Variants in TMEM232 observed in about 807,000 individuals in gnomAD.
TMEM232 encodes transmembrane protein 232.
TMEM232 carries 80 observed loss-of-function variants against 78.8 expected under a neutral mutation model. That is an observed-to-expected ratio of 1.01 (90% confidence interval 0.85 to 1.22). TMEM232 has a LOEUF of 1.22. TMEM232 is among the 50% of genes most tolerant of loss of function. The probability of loss-of-function intolerance (pLI) is 0.00; values close to 1 mark genes in which losing one functional copy is unlikely to be tolerated. For missense variants in TMEM232, 881 were observed against 742.2 expected, an observed-to-expected ratio of 1.19 and a Z score of -2.17; for synonymous variants, 297 against 254.3, an observed-to-expected ratio of 1.17 and a Z score of -1.60.
chr5:110,388,246 C>T (rs1245284051), intron 4 of TMEM232, among the ~76,000 whole-genome samples: 3 of 152,080 alleles, frequency 2.0e-5, no homozygotes, highest in Admixed American at 6.6e-5. Flanking sequence ...GCTGGTCACC[C>T]GATCCTAAAC....
intron 12 of TMEM232, among the ~76,000 whole-genome samples, chr5:110,519,273 T>G (rs1769151104): frequency 6.6e-6 from 1 of 152,190 alleles, no homozygotes; most frequent in Admixed American, 6.5e-5. Context: ...GCCGTACATG[T>G]GCATTTGGGC....
rs1450997657 is a variant in TMEM232, at chr5:110,547,002, A to C, written c.1456-18167T>G. Among the ~76,000 whole-genome samples the C allele has an allele frequency of 3.3e-5, 5 of 152,230 alleles. No homozygotes were observed. The East Asian group carries it at 9.6e-4, about 29-fold the overall frequency. ...AGAGAAAAAAAAACACCTCAAATGT[A>C]TTATGCTCAAGTTTTACTTGTAAAA... On this transcript the variant is annotated intron_variant, in intron 11 of 13. Transcript: ENST00000455884.
At position 110,663,773 on chromosome 5, in the gene TMEM232, G is replaced by GTA. The variant is rs759440761; in HGVS notation, c.125+3453_125+3454dup. 1.4e-4 allele frequency among the ~76,000 whole-genome samples: 20 copies of GTA among 147,418 alleles called. 1 individual carries two copies. Among genetic ancestry groups the GTA allele is most frequent in the Admixed American group, 7.5e-4 (11 of 14,740 alleles). Reference sequence around the variant, plus strand: ...TGTGTGTGTGTGTGTGTGTGTGTGTGTATATACAATATTCAGATACTTTTG... The same window carrying GTA: ...TGTGTGTGTGTGTGTGTGTGTGTGTGTATATATACAATATTCAGATACTTTTG... On this transcript the variant is annotated intron_variant, in intron 2 of 13. Coordinates refer to ENST00000455884, the MANE Select transcript of TMEM232 (RefSeq NM_001039763.4).
chr5:110,476,827 C>T (rs1417412054), intron 12 of TMEM232, among the ~76,000 whole-genome samples: 1 of 151,900 alleles, frequency 6.6e-6, no homozygotes, highest in East Asian at 1.9e-4. Context: ...AAAATAACAG[C>T]TTTATTAGTT....
At chr5:110,552,475 A>T (rs1774590295) in intron 11 of TMEM232, among the ~76,000 whole-genome samples, 1 of 152,154 alleles carries the variant, frequency 6.6e-6, no homozygotes. Flanking sequence ...GGTTAAAAAT[A>T]TCATGCTTAA....
chr5:110,545,819 G>A (rs1428345198), intron 11 of TMEM232, among the ~76,000 whole-genome samples: 1 of 151,912 alleles, frequency 6.6e-6, no homozygotes, highest in African/African-American at 2.4e-5. Context: ...GATATTTTAG[G>A]TCATATACCA....
intron 2 of TMEM232, among the ~76,000 whole-genome samples, chr5:110,666,287 A>G (rs1790579489): frequency 6.6e-6 from 1 of 152,282 alleles, no homozygotes; most frequent in South Asian, 2.1e-4. Flanking sequence ...TACACATTTG[A>G]TATCATCAAT....
intron 10 of TMEM232, among the ~76,000 whole-genome samples, chr5:110,595,074 G>A (rs1779990453): frequency 6.6e-6 from 1 of 152,206 alleles, no homozygotes; most frequent in Non-Finnish European, 1.5e-5. Context: ...ACCAGAGGAA[G>A]GAACAGGCAG....
At chr5:110,392,695 AT>A (rs1457660682) in intron 3 of TMEM232, among the ~76,000 whole-genome samples, 1 of 152,208 alleles carries the variant, frequency 6.6e-6, no homozygotes, top group Non-Finnish European at 1.5e-5. Flanking sequence ...ATGACCTCAT[AT>A]AAACCTATCT....
At chr5:110,619,224 GT>G (rs1408959991) in intron 7 of TMEM232, among the ~76,000 whole-genome samples, 1 of 152,098 alleles carries the variant, frequency 6.6e-6, no homozygotes, top group Non-Finnish European at 1.5e-5. Context: ...TGTTAACTTA[GT>G]TGATATTTTG....
chr5:110,533,539 A>G (rs773176386), intron 11 of TMEM232, among the ~76,000 whole-genome samples: 1 of 152,172 alleles, frequency 6.6e-6, no homozygotes, highest in Non-Finnish European at 1.5e-5. Flanking sequence ...AACTATGCTC[A>G]ACTCACTCTA....
At chr5:110,585,697 A>T (rs1411096408) in intron 10 of TMEM232, among the ~76,000 whole-genome samples, 1 of 152,074 alleles carries the variant, frequency 6.6e-6, no homozygotes, top group Non-Finnish European at 1.5e-5. Flanking sequence ...CTGCAGTTCC[A>T]AGAGCTCTGG....
intron 2 of TMEM232, among the ~76,000 whole-genome samples, chr5:110,666,429 C>T (rs1214324383): frequency 6.6e-6 from 1 of 152,004 alleles, no homozygotes; most frequent in Admixed American, 6.6e-5. Flanking sequence ...TTTTTAAATG[C>T]AATTAAAACT....
At chr5:110,670,486 C>T (rs1325138957) in intron 1 of TMEM232, among the ~76,000 whole-genome samples, 2 of 151,946 alleles carry the variant, frequency 1.3e-5, no homozygotes, top group Admixed American at 6.6e-5. Context: ...TAAAAGAGGA[C>T]ACAAACAAAT....
chr5:110,502,982 T>C (rs1016425120), intron 12 of TMEM232, among the ~76,000 whole-genome samples: 2 of 152,232 alleles, frequency 1.3e-5, no homozygotes, highest in African/African-American at 4.8e-5. Flanking sequence ...CGGTTGCTTA[T>C]TGATTTATCT....
chr5:110,710,606 A>G (rs1796372643), intron 1 of TMEM232, among the ~76,000 whole-genome samples: 1 of 152,168 alleles, frequency 6.6e-6, no homozygotes, highest in Non-Finnish European at 1.5e-5. Context: ...AAATCAATCA[A>G]TGTGACACAC....
chr5:110,477,245 C>T (rs1001681512), intron 12 of TMEM232, among the ~76,000 whole-genome samples: 6 of 151,896 alleles, frequency 4.0e-5, no homozygotes, highest in East Asian at 1.9e-4. Context: ...CTTGGTTAAC[C>T]GTAGATGGTT....
intron 10 of TMEM232, among the ~76,000 whole-genome samples, chr5:110,598,338 A>G (rs1251543096): frequency 1.3e-5 from 2 of 152,144 alleles, no homozygotes; most frequent in Non-Finnish European, 2.9e-5. Flanking sequence ...TTAGAATGGC[A>G]ATCATTCAAA....
chr5:110,503,403 A>G (rs976639565), intron 12 of TMEM232, among the ~76,000 whole-genome samples: 6 of 152,178 alleles, frequency 3.9e-5, no homozygotes, highest in African/African-American at 1.4e-4. Context: ...GGTTTGGGTG[A>G]GAGGAAGGGA....
Sources: allele counts gnomAD v4.1 joint callset (sites outside exome capture counted in the v4.1 genomes callset), GRCh38; gene constraint gnomAD v4.1.1; transcripts MANE v1.5; gene names NCBI Gene and HGNC (gene_info 2026-07-23, HGNC 2026-07-21).